Variants in ASTN2 observed in about 807,000 individuals in gnomAD.
ASTN2 encodes the protein astrotactin-2.
A neutral mutation model predicts 139.8 loss-of-function variants in ASTN2; 54 were observed. That is an observed-to-expected ratio of 0.39 (90% CI 0.31 to 0.48). The LOEUF is 0.48. ASTN2 is among the 20% of genes least tolerant of loss of function. The pLI is 0.95. For missense variants in ASTN2, 1,565 were observed against 1,725.1 expected, an observed-to-expected ratio of 0.91 and a Z score of 1.64; for synonymous variants, 756 against 719.5, an observed-to-expected ratio of 1.05 and a Z score of -0.81.
At chr9:117,028,154 C>T (rs573177139) in intron 6 of ASTN2, among the ~76,000 whole-genome samples, 1 of 152,152 alleles carries the variant, frequency 6.6e-6, no homozygotes, top group Non-Finnish European at 1.5e-5. Context: ...TTTGAATGTA[C>T]AGACTCACTG....
At chr9:116,748,682 A>C (rs1160197520) in intron 13 of ASTN2, among the ~76,000 whole-genome samples, 1 of 152,196 alleles carries the variant, frequency 6.6e-6, no homozygotes, top group Non-Finnish European at 1.5e-5. Context: ...TTGCCAGATG[A>C]GTCCAAGGGT....
At position 117,414,648 on chromosome 9, in the gene ASTN2, TCCGGCC is replaced by T. The variant is rs1831275677; in HGVS notation, c.285_290del (p.Gly97_Ala98del). 1 of 1,362,570 alleles carries T rather than the reference TCCGGCC, an allele frequency of 7.3e-7. No homozygotes were observed. Among genetic ancestry groups the T allele is most frequent in the Non-Finnish European group, 9.4e-7 (1 of 1,064,920 alleles). The allele number at this position is 1,362,570 out of a possible 1,614,324, so 84.4% of individuals were successfully genotyped here. On this transcript the variant is annotated inframe_deletion, in exon 1 of 23. Transcript: ENST00000313400. This position sits in a 1 kb window ranked among gnomAD's most constrained non-coding sequence, Gnocchi z 4.2. ...CCGGGGACGCGGCGGCGGCGGCGGC[TCCGGCC>T]CCGGTCCCAGCCCCGGCCCCGGCGC...
At position 117,221,777 on chromosome 9, in the gene ASTN2, C is replaced by T. The variant is rs1008966776; in HGVS notation, c.631-7035G>A. On this transcript the variant is annotated intron_variant, in intron 2 of 22. Transcript: ENST00000313400. ...GGATCCAAGTGATCCGAGACGTCTC[C>T]TTTCAGGCCCCAGTCTATGTTTAAG... Among the ~76,000 whole-genome samples the T allele has an allele frequency of 3.3e-5, 5 of 151,758 alleles. No individual in the cohort carries two copies. In the East Asian group the frequency reaches 9.7e-4, roughly 29 times the overall value.
chr9:116,731,080 T>C (rs1242743631), intron 14 of ASTN2, among the ~76,000 whole-genome samples: 2 of 151,948 alleles, frequency 1.3e-5, no homozygotes, highest in African/African-American at 4.8e-5. Context: ...CCTGGGTTAC[T>C]CTATCGCTGA....
intron 16 of ASTN2, among the ~76,000 whole-genome samples, chr9:116,688,128 G>A (rs2132042282): frequency 6.6e-6 from 1 of 152,168 alleles, no homozygotes; most frequent in African/African-American, 2.4e-5. Flanking sequence ...ACTGAGGTGC[G>A]GGGCTGAGTG....
rs1027034216 is a variant in ASTN2 at position 116,437,246 on chromosome 9, A to G, written c.3782+3363T>C. On this transcript the variant is annotated intron_variant, in intron 22 of 22. Coordinates refer to ENST00000313400, the MANE Select transcript of ASTN2 (RefSeq NM_001365068.1). ...TTCTAGTTCGTCCTTATCATGTTAT[A>G]GGTGAGGAGACTGAGGGCCAGAAAG... 1.1e-5 allele frequency: 5 copies of G among 467,014 alleles called. No individual in the cohort carries two copies. In the Admixed American group the frequency reaches 1.2e-4, roughly 11 times the overall value. The allele number at this position is 467,014 out of a possible 1,614,324, so 28.9% of individuals were successfully genotyped here.
chr9:116,570,327 A>G (rs1310492601), intron 19 of ASTN2, among the ~76,000 whole-genome samples: 2 of 152,010 alleles, frequency 1.3e-5, no homozygotes, highest in Non-Finnish European at 2.9e-5. Context: ...CTCTTATTGT[A>G]TAAGTTTTAA....
At chr9:116,714,444 T>C (rs1588233679) in intron 16 of ASTN2, among the ~76,000 whole-genome samples, 1 of 152,346 alleles carries the variant, frequency 6.6e-6, no homozygotes, top group East Asian at 1.9e-4. Flanking sequence ...TGTCTCATGA[T>C]AATAATGAAT....
rs77459449 is a variant in ASTN2, at chr9:116,434,624, C to T, written c.3782+5985G>A. 6.5e-4 allele frequency among the ~76,000 whole-genome samples: 99 copies of T among 152,334 alleles called. 2 individuals carry two copies. In the East Asian group the frequency reaches 0.019, roughly 29 times the overall value. On this transcript the variant is annotated intron_variant, in intron 22 of 22. Transcript: ENST00000313400. Reference sequence around the variant, plus strand: ...AAATGTCCTCAAGAGCTTGCTGTGTCCTCTCTACCAATATGCTCAAACATA... The same window carrying T: ...AAATGTCCTCAAGAGCTTGCTGTGTTCTCTCTACCAATATGCTCAAACATA...
chr9:117,103,191 C>T (rs1451398823), intron 4 of ASTN2, among the ~76,000 whole-genome samples: 4 of 152,148 alleles, frequency 2.6e-5, no homozygotes, highest in Non-Finnish European at 5.9e-5. Context: ...TGTCTAGGTA[C>T]TGAAGATAAA....
chr9:116,905,866 T>TTTG (rs1564333913), intron 10 of ASTN2, among the ~76,000 whole-genome samples: 17 of 32,626 alleles, frequency 5.2e-4, no homozygotes, highest in East Asian at 9.1e-4. Context: ...TTTTTTTTTT[T>TTTG]GGGGGGGGGT....
chr9:117,236,746 G>A (rs1588119439), intron 2 of ASTN2, among the ~76,000 whole-genome samples: 1 of 152,116 alleles, frequency 6.6e-6, no homozygotes, highest in African/African-American at 2.4e-5. Context: ...CATGCAAAGG[G>A]TATCCTCTCT....
chr9:117,078,721 G>A (rs904270338), intron 5 of ASTN2, among the ~76,000 whole-genome samples: 1 of 152,012 alleles, frequency 6.6e-6, no homozygotes, highest in Non-Finnish European at 1.5e-5. Flanking sequence ...TGTTCCTGGA[G>A]AGCTTTTTAT....
At chr9:116,923,602 A>G (rs1342552628) in intron 10 of ASTN2, among the ~76,000 whole-genome samples, 2 of 152,108 alleles carry the variant, frequency 1.3e-5, no homozygotes, top group Non-Finnish European at 2.9e-5. Flanking sequence ...ACGTACACCA[A>G]CTTTCCTCAG....
At chr9:116,475,011 T>C (rs1044825961) in intron 20 of ASTN2, among the ~76,000 whole-genome samples, 5 of 152,222 alleles carry the variant, frequency 3.3e-5, no homozygotes, top group African/African-American at 9.6e-5. Context: ...GCCTTGACTA[T>C]GATGCCAGAG....
intron 19 of ASTN2, among the ~76,000 whole-genome samples, chr9:116,565,388 C>CTCTCTCTCCATAT (rs1564120372): frequency 8.8e-5 from 3 of 34,008 alleles, no homozygotes; most frequent in African/African-American, 4.2e-4. Context: ...TCTCTCTCTC[C>CTCTCTCTCCATAT]ATATATATAT....
chr9:116,677,820 G>C (rs1015096195), intron 16 of ASTN2, among the ~76,000 whole-genome samples: 2 of 152,048 alleles, frequency 1.3e-5, no homozygotes, highest in Non-Finnish European at 2.9e-5. Context: ...CTGCTTATTT[G>C]GCCCTAGAAA....
intron 5 of ASTN2, among the ~76,000 whole-genome samples, chr9:117,070,838 C>T (rs1281211827): frequency 1.4e-4 from 21 of 150,888 alleles, no homozygotes; most frequent in African/African-American, 4.6e-4. Flanking sequence ...ACGTAGCTCT[C>T]GAGCCTTGGT....
At chr9:116,809,957 T>G (rs543972346) in intron 12 of ASTN2, among the ~76,000 whole-genome samples, 20 of 152,258 alleles carry the variant, frequency 1.3e-4, no homozygotes, top group African/African-American at 4.1e-4. Flanking sequence ...TTTCAAAACA[T>G]CCTGTGATTT....
Sources: gnomAD v4.1 joint callset for allele counts (sites outside exome capture counted in the v4.1 genomes callset) on GRCh38, gnomAD v4.1.1 for gene constraint, Gnocchi (gnomAD v3.1) non-coding constraint, MANE v1.5 for transcripts, NCBI Gene and HGNC (gene_info 2026-07-23, HGNC 2026-07-21) for gene names.